PLD6: variants seen among roughly 807,000 people sequenced by gnomAD.
The protein encoded by PLD6 is mitochondrial cardiolipin hydrolase.
In PLD6, 10 loss-of-function variants were observed where a neutral mutation model predicts 9.7. That is an observed-to-expected ratio of 1.03 (90% CI 0.64 to 1.75). PLD6 has a LOEUF of 1.75. PLD6 is among the 40% of genes most tolerant of loss of function. The pLI is 0.00. For synonymous variants in PLD6, 152 were observed against 159.2 expected, an observed-to-expected ratio of 0.96 and a Z score of 0.34; for missense variants, 334 against 347.6, an observed-to-expected ratio of 0.96 and a Z score of 0.31.
rs774780760 is a variant in PLD6, at chr17:17,206,012, G to A, written c.275C>T (p.Ala92Val). The change falls in exon 1 of 2, where the codon GCC becomes GTC. Residue 92 changes from alanine (A) to valine (V), a missense_variant. Ala to Val is a moderately conservative substitution (Grantham distance 64). Transcript: ENST00000321560. Reference sequence around the variant, plus strand: ...GGCGAACAGGCAGAGATCCAGGCTGGCGCGGGCGGCCAGCAGGGCACGCAG... The same window carrying A: ...GGCGAACAGGCAGAGATCCAGGCTGACGCGGGCGGCCAGCAGGGCACGCAG... ...RLLRALLAAR[A>V]SLDLCLFAFS... The A allele has an allele frequency of 8.2e-5, 126 of 1,545,148 alleles. 1 individual carries two copies. The South Asian group carries it at 1.4e-3, about 17-fold the overall frequency.
rs1467402643 is a variant in PLD6, at chr17:17,206,269, C to T, written c.18G>A (p.Trp6Ter). 1 of 1,543,678 alleles carries T rather than the reference C, an allele frequency of 6.5e-7. No homozygotes were observed. The highest frequency in any genetic ancestry group is 8.6e-7 in the Non-Finnish European group (1 of 1,156,174). The change falls in exon 1 of 2, where the codon TGG becomes TGA. Residue 6 changes from tryptophan (W) to a stop codon, truncating the protein, a stop_gained. Coordinates refer to ENST00000321560, the MANE Select transcript of PLD6 (RefSeq NM_178836.4). LOFTEE classifies it high-confidence loss of function. The part of the protein sequence containing the change: MGRLS[W>*]QVAAAAAVGL... The stretch of plus-strand genomic sequence containing the variant: ...CCACAGCCGCCGCGGCCGCCACCTG[C>T]CAACTCAACCGTCCCATGCCGCCGC...
Position 17,202,500 on chromosome 17 carries a change from T to A in PLD6, c.*267A>T, listed in dbSNP as rs945606676. The A allele has an allele frequency of 6.6e-6, 3 of 454,504 alleles. No individual in the cohort carries two copies. Among genetic ancestry groups the A allele is most frequent in the Middle Eastern group, 5.9e-4 (1 of 1,682 alleles). The allele number at this position is 454,504 out of a possible 1,614,324, so 28.2% of individuals were successfully genotyped here. A position where few individuals can be genotyped will look rare whatever the true frequency, so the allele number is the denominator to read the frequency against. ...CCTTTTCTGTGCTGTAGCAGAAGTTTCGATTCCAAACCAAGATACGGACCA... is the reference window on the plus strand; with the variant it reads ...CCTTTTCTGTGCTGTAGCAGAAGTTACGATTCCAAACCAAGATACGGACCA... On this transcript the variant is annotated 3_prime_UTR_variant, in exon 2 of 2. Transcript: ENST00000321560.
chr17:17,206,247 C>CA lies in PLD6; in HGVS notation c.39dup (p.Val14CysfsTer190). ...GCCTCCAGAGTCAGAGCCAGGCCCA[C>CA]AGCCGCCGCGGCCGCCACCTGCCAA... On this transcript the variant is annotated frameshift_variant, in exon 1 of 2. Coordinates refer to ENST00000321560, the MANE Select transcript of PLD6 (RefSeq NM_178836.4). LOFTEE classifies it high-confidence loss of function. 1 of 1,545,422 alleles carries CA rather than the reference C, an allele frequency of 6.5e-7. No individual in the cohort carries two copies. Among genetic ancestry groups the CA allele is most frequent in the Non-Finnish European group, 8.6e-7 (1 of 1,157,240 alleles).
rs2046682356 is a variant in PLD6, at chr17:17,202,414, G to A, written c.*353C>T. The A allele has an allele frequency of 3.9e-6, 1 of 255,398 alleles. No homozygotes were observed. Among genetic ancestry groups the A allele is most frequent in the African/African-American group, 2.2e-5 (1 of 45,306 alleles). 15.8% of individuals were successfully genotyped at this position (255,398 alleles called of 1,614,324 possible). A position where few individuals can be genotyped will look rare whatever the true frequency, so the allele number is the denominator to read the frequency against. On this transcript the variant is annotated 3_prime_UTR_variant, in exon 2 of 2. Coordinates refer to ENST00000321560, the MANE Select transcript of PLD6 (RefSeq NM_178836.4). The stretch of plus-strand genomic sequence containing the variant: ...GCTGAAAGGGCCCACATCAGCCAAA[G>A]CAGGAGGGACTTTTCTAGAATCAGG...
rs538663133 is a variant in PLD6, at chr17:17,201,128, A to C, written c.*1639T>G. 6.6e-6 allele frequency: 1 copy of C among 152,376 alleles called. No homozygotes were observed. The allele number at this position is 152,376 out of a possible 1,614,324, so 9.4% of individuals were successfully genotyped here. On this transcript the variant is annotated 3_prime_UTR_variant, in exon 2 of 2. Coordinates refer to ENST00000321560, the MANE Select transcript of PLD6 (RefSeq NM_178836.4). ...ACTGGGGGAATTCACAAACTAAAAC[A>C]ATTTCTGGTGACTTCCAATCTATAT...
At position 17,201,321 on chromosome 17, in the gene PLD6, T is replaced by C. The variant is rs958795919; in HGVS notation, c.*1446A>G. 6.6e-6 allele frequency: 1 copy of C among 152,294 alleles called. No individual in the cohort carries two copies. The highest frequency in any genetic ancestry group is 1.5e-5 in the Non-Finnish European group (1 of 68,070). The allele number at this position is 152,294 out of a possible 1,614,324, so 9.4% of individuals were successfully genotyped here. A position where few individuals can be genotyped will look rare whatever the true frequency, so the allele number is the denominator to read the frequency against. On this transcript the variant is annotated 3_prime_UTR_variant, in exon 2 of 2. Coordinates refer to ENST00000321560, the MANE Select transcript of PLD6 (RefSeq NM_178836.4). ...GGGGAGGTGAGACTAAGCACATGGC[T>C]AGCAGACCTCAGGATGGGCCCTGGG... is the stretch of plus-strand genomic sequence containing the variant.
chr17:17,202,809 T>G lies in PLD6; in HGVS notation c.717A>C (p.Ser239=). 6.2e-7 allele frequency: 1 copy of G among 1,614,154 alleles called. No individual in the cohort carries two copies. Among genetic ancestry groups the G allele is most frequent in the Non-Finnish European group, 8.5e-7 (1 of 1,180,028 alleles). ...PVSRAGGRLL[S]WHRTCGTSSE... is the part of the protein sequence containing the mutation. The stretch of plus-strand genomic sequence containing the variant: ...TGGAGGTGCCGCAAGTTCTGTGCCA[T>G]GAAAGCAATCTCCCTCCAGCTCTGG... Residue 239 remains serine, a synonymous_variant, in exon 2 of 2, where the codon TCA becomes TCC. Coordinates refer to ENST00000321560, the MANE Select transcript of PLD6 (RefSeq NM_178836.4).
In PLD6 at chr17:17,206,064, G is replaced by C; in HGVS notation, c.223C>G (p.His75Asp). 6.6e-7 allele frequency: 1 copy of C among 1,514,602 alleles called. No individual in the cohort carries two copies. The highest frequency in any genetic ancestry group is 8.8e-7 in the Non-Finnish European group (1 of 1,137,852). 93.8% of individuals were successfully genotyped at this position (1,514,602 alleles called of 1,614,324 possible). ...AGGCGGCTTAGCGCGCTCTCGCCGTGGGGCAGGCCGCACGGGCAGCCCTCG... is the reference window on the plus strand; with the variant it reads ...AGGCGGCTTAGCGCGCTCTCGCCGTCGGGCAGGCCGCACGGGCAGCCCTCG... ...LPEGCPCGLP[H>D]GESALSRLLR... The change falls in exon 1 of 2, where the codon CAC becomes GAC. Residue 75 changes from histidine to aspartate, a missense_variant. His to Asp is a moderately conservative substitution (Grantham distance 81). Coordinates refer to ENST00000321560, the MANE Select transcript of PLD6 (RefSeq NM_178836.4).
chr17:17,206,134 G>T lies in PLD6; in HGVS notation c.153C>A (p.Thr51=), dbSNP rs2046718499. Residue 51 remains threonine (T), a synonymous_variant, in exon 1 of 2, where the codon ACC becomes ACA. Coordinates refer to ENST00000321560, the MANE Select transcript of PLD6 (RefSeq NM_178836.4). The part of the protein sequence containing the change: ...ALFFPSQVTC[T]EALLRAPGAE... ...CGCCCGGAGCCCGCAGCAGGGCCTC[G>T]GTACAGGTCACCTGAGACGGGAAGA... is the stretch of plus-strand genomic sequence containing the variant. 1 of 1,497,496 alleles carries T rather than the reference G, an allele frequency of 6.7e-7. No individual in the cohort carries two copies. The highest frequency in any genetic ancestry group is 8.8e-7 in the Non-Finnish European group (1 of 1,131,156). The allele number at this position is 1,497,496 out of a possible 1,614,324, so 92.8% of individuals were successfully genotyped here.
chr17:17,202,598 C>A lies in PLD6; in HGVS notation c.*169G>T, dbSNP rs1411522322. 8.6e-6 allele frequency: 6 copies of A among 698,270 alleles called. No individual in the cohort carries two copies. The highest frequency in any genetic ancestry group is 1.4e-5 in the Non-Finnish European group (6 of 427,984). The allele number at this position is 698,270 out of a possible 1,614,324, so 43.3% of individuals were successfully genotyped here. ...CAAAGGAGCAAGAAAAAGGTCTGGCCCGAAATAACTGACCCGAAGTAACAG... is the reference window on the plus strand; with the variant it reads ...CAAAGGAGCAAGAAAAAGGTCTGGCACGAAATAACTGACCCGAAGTAACAG... On this transcript the variant is annotated 3_prime_UTR_variant, in exon 2 of 2. Transcript: ENST00000321560.
At chr17:17,204,429 C>G (rs576094854) in intron 1 of PLD6, 1 of 152,502 alleles carries the variant, frequency 6.6e-6, no homozygotes, top group Admixed American at 6.5e-5. Flanking sequence ...TTCTCAGTGC[C>G]CTAAATGAAA....
chr17:17,203,236 G>A, intron 1 of PLD6, 138 bp from the exon 2 acceptor site: 1 of 893,440 alleles, frequency 1.1e-6, no homozygotes, highest in Admixed American at 2.8e-5. Context: ...ACAGAGTGGT[G>A]GCGGCTAAGC....
chr17:17,202,106 G>A lies in PLD6; in HGVS notation c.*661C>T, dbSNP rs564077426. Reference sequence around the variant, plus strand: ...TACTACCCAAGGACAGGCTGCTGAAGAGCTTGGCACTGGCGTGCATACTGG... The same window carrying A: ...TACTACCCAAGGACAGGCTGCTGAAAAGCTTGGCACTGGCGTGCATACTGG... On this transcript the variant is annotated 3_prime_UTR_variant, in exon 2 of 2. Transcript: ENST00000321560. 6.5e-6 allele frequency: 1 copy of A among 153,010 alleles called. No individual in the cohort carries two copies. The highest frequency in any genetic ancestry group is 2.1e-4 in the South Asian group (1 of 4,850). The allele number at this position is 153,010 out of a possible 1,614,324, so 9.5% of individuals were successfully genotyped here.
In PLD6 at chr17:17,205,990, G is replaced by A. The variant is rs1170784729; in HGVS notation, c.297C>T (p.Phe99=). ...GGCCCAGCTGCGGGCTGGAGAAGGC[G>A]AACAGGCAGAGATCCAGGCTGGCGC... ...AARASLDLCL[F]AFSSPQLGRA... is the part of the protein sequence containing the mutation. The change falls in exon 1 of 2, where the codon TTC becomes TTT. Residue 99 remains phenylalanine, a synonymous_variant. Transcript: ENST00000321560. 1 of 1,552,210 alleles carries A rather than the reference G, an allele frequency of 6.4e-7. No individual in the cohort carries two copies. Among genetic ancestry groups the A allele is most frequent in the South Asian group, 1.2e-5 (1 of 84,484 alleles).
In PLD6 at chr17:17,206,326, C is replaced by T. The variant is rs1340637964; in HGVS notation, c.-40G>A. ...GGGACCCACAGCCACGCCGCCGCAG[C>T]GGAGTCTGCGCGCCCCCAGCCCTAG... On this transcript the variant is annotated 5_prime_UTR_variant, in exon 1 of 2. Transcript: ENST00000321560. 4 of 1,476,224 alleles carry T rather than the reference C, an allele frequency of 2.7e-6. No homozygotes were observed. The South Asian group carries it at 5.2e-5, about 19-fold the overall frequency. The allele number at this position is 1,476,224 out of a possible 1,614,324, so 91.4% of individuals were successfully genotyped here.
In PLD6 at chr17:17,202,202, G is replaced by GCC. The variant is rs2046680293; in HGVS notation, c.*563_*564dup. The GCC allele has an allele frequency of 6.4e-6, 1 of 156,738 alleles. No homozygotes were observed. The highest frequency in any genetic ancestry group is 1.4e-5 in the Non-Finnish European group (1 of 70,662). 9.7% of individuals were successfully genotyped at this position (156,738 alleles called of 1,614,324 possible). ...TGGTGGCAATGACGCTCACGGGGTT[G>GCC]CCCCGAAGGCTGCTTTTGCCACCCG... On this transcript the variant is annotated 3_prime_UTR_variant, in exon 2 of 2. Transcript: ENST00000321560.
chr17:17,206,050 C>A lies in PLD6; in HGVS notation c.237G>T (p.Ala79=). The change falls in exon 1 of 2, where the codon GCG becomes GCT. Residue 79 remains alanine, a synonymous_variant. Transcript: ENST00000321560. ...CPCGLPHGES[A]LSRLLRALLA... is the part of the protein sequence containing the mutation. ...GCAGGGCACGCAGCAGGCGGCTTAG[C>A]GCGCTCTCGCCGTGGGGCAGGCCGC... is the stretch of plus-strand genomic sequence containing the variant. The A allele has an allele frequency of 6.5e-7, 1 of 1,529,262 alleles. No homozygotes were observed. Among genetic ancestry groups the A allele is most frequent in the East Asian group, 2.5e-5 (1 of 39,780 alleles). 94.7% of individuals were successfully genotyped at this position (1,529,262 alleles called of 1,614,324 possible).
At chr17:17,204,234 G>A (rs780036404) in intron 1 of PLD6, among the ~76,000 whole-genome samples, 3 of 152,190 alleles carry the variant, frequency 2.0e-5, no homozygotes, top group Non-Finnish European at 4.4e-5. Context: ...AAGGAAGTCA[G>A]TCTGTGACCC....
chr17:17,203,221 C>T, intron 1 of PLD6, 123 bp from the exon 2 acceptor site: 3 of 1,036,832 alleles, frequency 2.9e-6, no homozygotes, highest in South Asian at 3.3e-5. Flanking sequence ...GCCCGCCATG[C>T]TTTCACAGAG....
Sources: allele counts gnomAD v4.1 joint callset (sites outside exome capture counted in the v4.1 genomes callset), GRCh38; gene constraint gnomAD v4.1.1; transcripts MANE v1.5; gene names NCBI Gene and HGNC (gene_info 2026-07-23, HGNC 2026-07-21).